Variants in CDK14 observed in about 807,000 individuals in gnomAD.
The protein encoded by CDK14 is cyclin-dependent kinase 14.
CDK14 carries 34 observed loss-of-function variants against 60.7 expected under a neutral mutation model. The observed-to-expected ratio is 0.56, with a 90% CI of 0.43 to 0.75. The LOEUF (loss-of-function observed/expected upper bound fraction) is 0.75, where lower values mean the gene tolerates loss of function less well. Among genes scored for constraint, CDK14 ranks in the 30% least tolerant of loss-of-function variants. The pLI, the probability that CDK14 is intolerant of heterozygous loss-of-function variation, is 0.00. For synonymous variants in CDK14, 197 were observed against 203.7 expected (o/e 0.97, Z 0.28); for missense variants, 482 against 564.1 (o/e 0.85, Z 1.47).
intron 6 of CDK14, among the ~76,000 whole-genome samples, chr7:90,879,943 T>C (rs966426924): frequency 3.9e-5 from 6 of 152,082 alleles, no homozygotes; most frequent in African/African-American, 1.4e-4. Context: ...CTGTGCTTTT[T>C]CCACAGAACT....
Position 90,979,211 on chromosome 7 carries a change from G to A in CDK14, c.948-4937G>A, listed in dbSNP as rs966488607. Among the ~76,000 whole-genome samples the A allele has an allele frequency of 3.3e-5, 5 of 152,080 alleles. No homozygotes were observed. The South Asian group carries it at 8.3e-4, about 25-fold the overall frequency. On this transcript the variant is annotated intron_variant, in intron 9 of 14. Coordinates refer to ENST00000380050, the MANE Select transcript of CDK14 (RefSeq NM_001287135.2). Reference sequence around the variant, plus strand: ...GTATGTCACCAAATATTCTTCTTTCGATATTTTTCAACCATTTAAAAATGT... The same window carrying A: ...GTATGTCACCAAATATTCTTCTTTCAATATTTTTCAACCATTTAAAAATGT...
chr7:91,136,168 T>C (rs1375174733), intron 14 of CDK14, among the ~76,000 whole-genome samples: 2 of 152,198 alleles, frequency 1.3e-5, no homozygotes, highest in Non-Finnish European at 2.9e-5. Context: ...CGACCAGCCT[T>C]GTCTTTTATC....
intron 14 of CDK14, among the ~76,000 whole-genome samples, chr7:91,196,904 A>G (rs1471682464): frequency 1.3e-5 from 2 of 152,172 alleles, no homozygotes; most frequent in Non-Finnish European, 2.9e-5. Flanking sequence ...AGATTTGTAA[A>G]ACTTTTGTGA....
At chr7:90,972,620 TTC>T (rs1794962238) in intron 9 of CDK14, among the ~76,000 whole-genome samples, 1 of 152,204 alleles carries the variant, frequency 6.6e-6, no homozygotes, top group South Asian at 2.1e-4. Flanking sequence ...TAAATAAAAT[TTC>T]CTATTAGGTT....
chr7:90,885,005 C>G (rs2117297888), intron 6 of CDK14, among the ~76,000 whole-genome samples: 1 of 152,284 alleles, frequency 6.6e-6, no homozygotes, highest in South Asian at 2.1e-4. Flanking sequence ...CTAGGCTGTA[C>G]TATCCAGTAC....
chr7:90,917,730 A>C lies in CDK14; in HGVS notation c.826+6A>C. On this transcript the variant is annotated splice_donor_region_variant and intron_variant, in intron 8 of 14. Coordinates refer to ENST00000380050, the MANE Select transcript of CDK14 (RefSeq NM_001287135.2). Reference sequence around the variant, plus strand: ...GTTAAAGCTGGCAGATTTCGGTAGGAAAGCAGTTAATTACCAGTCTATTTT... The same window carrying C: ...GTTAAAGCTGGCAGATTTCGGTAGGCAAGCAGTTAATTACCAGTCTATTTT... 1.9e-6 allele frequency: 3 copies of C among 1,612,332 alleles called. No individual in the cohort carries two copies. The African/African-American group carries it at 4.0e-5, about 21-fold the overall frequency.
chr7:90,766,698 G>C (rs1274195119), intron 4 of CDK14, among the ~76,000 whole-genome samples: 1 of 152,140 alleles, frequency 6.6e-6, no homozygotes. Flanking sequence ...CCAGGGTCAG[G>C]TTTGAGCCCC....
intron 3 of CDK14, among the ~76,000 whole-genome samples, chr7:90,736,782 A>G (rs1248315124): frequency 6.6e-6 from 1 of 152,160 alleles, no homozygotes; most frequent in Non-Finnish European, 1.5e-5. Context: ...ATACTGTGGT[A>G]GAAACTATTT....
chr7:91,104,220 C>A (rs1347649684), intron 12 of CDK14, among the ~76,000 whole-genome samples: 1 of 152,114 alleles, frequency 6.6e-6, no homozygotes, highest in Non-Finnish European at 1.5e-5. Context: ...CCCCACCAAC[C>A]TGATGGGCCC....
intron 6 of CDK14, among the ~76,000 whole-genome samples, chr7:90,874,205 T>C (rs1791472153): frequency 6.6e-6 from 1 of 152,164 alleles, no homozygotes; most frequent in Non-Finnish European, 1.5e-5. Flanking sequence ...AATAGCTTCC[T>C]GGGAAAGGGT....
At chr7:90,624,009 G>A (rs1366077639) in intron 2 of CDK14, among the ~76,000 whole-genome samples, 1 of 152,170 alleles carries the variant, frequency 6.6e-6, no homozygotes, top group Non-Finnish European at 1.5e-5. Context: ...ATTTTGTAGG[G>A]CTTCATAGTT....
At chr7:91,026,172 A>G (rs947256279) in intron 10 of CDK14, among the ~76,000 whole-genome samples, 2 of 152,170 alleles carry the variant, frequency 1.3e-5, no homozygotes, top group African/African-American at 4.8e-5. Flanking sequence ...TGGGGAGACA[A>G]TGAGAAGAGC....
intron 10 of CDK14, among the ~76,000 whole-genome samples, chr7:91,023,520 A>T (rs1326840368): frequency 6.6e-6 from 1 of 152,232 alleles, no homozygotes; most frequent in Non-Finnish European, 1.5e-5. Context: ...TTTGGCTCAG[A>T]CACTAGACTT....
intron 14 of CDK14, among the ~76,000 whole-genome samples, chr7:91,200,100 A>T (rs1183361663): frequency 6.6e-6 from 1 of 152,246 alleles, no homozygotes; most frequent in African/African-American, 2.4e-5. Flanking sequence ...ATATTCTAAA[A>T]GAAAACCTGT....
intron 11 of CDK14, among the ~76,000 whole-genome samples, chr7:91,078,661 G>T (rs1309580016): frequency 6.6e-6 from 1 of 152,112 alleles, no homozygotes; most frequent in Non-Finnish European, 1.5e-5. Flanking sequence ...AGTATATTTT[G>T]TTAAGTGCCA....
intron 5 of CDK14, among the ~76,000 whole-genome samples, chr7:90,813,883 C>G (rs1789241920): frequency 6.6e-6 from 1 of 152,144 alleles, no homozygotes; most frequent in African/African-American, 2.4e-5. Flanking sequence ...GAATTTTATA[C>G]TTACGGGTGG....
rs1204742612 is a variant in CDK14 at position 90,893,262 on chromosome 7, AGT to A, written c.640-6025_640-6024del. On this transcript the variant is annotated intron_variant, in intron 6 of 14. Transcript: ENST00000380050. Reference sequence around the variant, plus strand: ...GCAATGGTGATGGAGTAAAGGGGAAAGTGTGGGAAGAAGAGGTGAGGCATAAT... The same window carrying A: ...GCAATGGTGATGGAGTAAAGGGGAAAGTGGGAAGAAGAGGTGAGGCATAAT... 2.0e-5 allele frequency among the ~76,000 whole-genome samples: 3 copies of A among 152,300 alleles called. No individual in the cohort carries two copies. The East Asian group carries it at 5.8e-4, about 29-fold the overall frequency.
chr7:90,696,175 A>AG (rs1336316946), intron 2 of CDK14, among the ~76,000 whole-genome samples: 1 of 152,140 alleles, frequency 6.6e-6, no homozygotes, highest in Non-Finnish European at 1.5e-5. Context: ...GAGTGGATAT[A>AG]GGGTAGCAGA....
chr7:90,696,338 T>TCTTCTTCTTC (rs61542847), intron 2 of CDK14, among the ~76,000 whole-genome samples: 24,181 of 97,498 alleles, frequency 0.25, 2,355 homozygotes, highest in East Asian at 0.42. Context: ...TTCTTCTTCT[T>TCTTCTTCTTC]TTTTTTTTTT....
Sources: gnomAD v4.1 joint callset for allele counts (sites outside exome capture counted in the v4.1 genomes callset) on GRCh38, gnomAD v4.1.1 for gene constraint, MANE v1.5 for transcripts, NCBI Gene and HGNC (gene_info 2026-07-23, HGNC 2026-07-21) for gene names.